UFM1: variants seen among roughly 807,000 people sequenced by gnomAD.
UFM1 encodes ubiquitin-fold modifier 1.
A neutral mutation model predicts 15.4 loss-of-function variants in UFM1; 9 were observed. The observed-to-expected ratio is 0.59, with a 90% CI of 0.35 to 1.02. The LOEUF is 1.02. Among genes scored for constraint, UFM1 ranks in the 50% least tolerant of loss-of-function variants. UFM1 has a pLI of 0.02. For synonymous variants in UFM1, 27 were observed against 36.3 expected, an observed-to-expected ratio of 0.74 and a Z score of 0.92; for missense variants, 98 against 104.7, an observed-to-expected ratio of 0.94 and a Z score of 0.28.
At chr13:38,355,037 T>C (rs113469103) in intron 3 of UFM1, among the ~76,000 whole-genome samples, 1,705 of 152,144 alleles carry the variant, frequency 0.011, 36 homozygotes, top group African/African-American at 0.039. Flanking sequence ...CATTATTTCC[T>C]GAAATTTTCT....
chr13:38,358,162 C>T (rs757130459), intron 4 of UFM1, 30 bp downstream of exon 4: 2 of 1,349,446 alleles, frequency 1.5e-6, no homozygotes. Context: ...TTATGTATTA[C>T]CTCAAATTTA....
chr13:38,351,552 A>G (rs7330234), intron 2 of UFM1, among the ~76,000 whole-genome samples: 4,349 of 152,296 alleles, frequency 0.029, 235 homozygotes, highest in African/African-American at 0.1. Context: ...CTTCACTCCT[A>G]TGAAAAACCA....
chr13:38,360,782 C>T lies in UFM1; in HGVS notation c.*4C>T. ...AGATCGTGTTGGAAGTTGTTAATAT[C>T]TGCTACTTGGAACATACGATTGCCT... On this transcript the variant is annotated 3_prime_UTR_variant, in exon 6 of 6. Transcript: ENST00000239878. 6.2e-7 allele frequency: 1 copy of T among 1,603,786 alleles called. No homozygotes were observed. The highest frequency in any genetic ancestry group is 8.5e-7 in the Non-Finnish European group (1 of 1,174,088).
At chr13:38,357,513 G>GTTTTT (rs34489703) in intron 3 of UFM1, among the ~76,000 whole-genome samples, 1 of 149,156 alleles carries the variant, frequency 6.7e-6, no homozygotes. Context: ...ATAATACAGG[G>GTTTTT]TTTTTTTTTT....
In UFM1 at chr13:38,363,264, AGTT is replaced by A. The variant is rs1337965651; in HGVS notation, c.*2490_*2492del. 6.6e-6 allele frequency: 1 copy of A among 152,172 alleles called. No homozygotes were observed. The highest frequency in any genetic ancestry group is 1.5e-5 in the Non-Finnish European group (1 of 68,034). 9.4% of individuals were successfully genotyped at this position (152,172 alleles called of 1,614,324 possible). A position where few individuals can be genotyped will look rare whatever the true frequency, so the allele number is the denominator to read the frequency against. ...ACACAAGTACTTACCATCATTTTAC[AGTT>A]GTTTACAGTATTAGGTACAGTAACA... On this transcript the variant is annotated 3_prime_UTR_variant, in exon 6 of 6. Transcript: ENST00000239878.
chr13:38,350,393 C>G (rs955993278), intron 2 of UFM1, among the ~76,000 whole-genome samples: 2 of 152,150 alleles, frequency 1.3e-5, no homozygotes, highest in Non-Finnish European at 2.9e-5. Context: ...TTAAACAGTC[C>G]CCATCTGCTG....
chr13:38,358,165 C>A (rs1879203727), intron 4 of UFM1, 33 bp downstream of exon 4: 2 of 1,332,750 alleles, frequency 1.5e-6, no homozygotes, highest in African/African-American at 1.5e-5. Flanking sequence ...TGTATTACCT[C>A]AAATTTATAG....
At chr13:38,356,849 C>T (rs1467027677) in intron 3 of UFM1, among the ~76,000 whole-genome samples, 1 of 151,800 alleles carries the variant, frequency 6.6e-6, no homozygotes, top group Non-Finnish European at 1.5e-5. Context: ...CAAAACTCAA[C>T]TATAATATCT....
chr13:38,359,468 C>A, intron 5 of UFM1, 135 bp downstream of exon 5: 1 of 864,256 alleles, frequency 1.2e-6, no homozygotes, highest in Non-Finnish European at 1.8e-6. Context: ...ATATACCAGT[C>A]TTTACCTGTG....
At chr13:38,350,231 C>G (rs1219288784) in intron 2 of UFM1, 176 bp downstream of exon 2, 2 of 1,604,448 alleles carry the variant, frequency 1.2e-6, no homozygotes, top group East Asian at 2.3e-5. Flanking sequence ...AGGAGAGGTC[C>G]GTACTTGCTC....
At chr13:38,351,302 T>C (rs947638111) in intron 2 of UFM1, among the ~76,000 whole-genome samples, 7 of 152,090 alleles carry the variant, frequency 4.6e-5, no homozygotes, top group Admixed American at 2.6e-4. Context: ...GACTGGAGGG[T>C]TTACATTAAA....
chr13:38,356,701 C>CA (rs35105286), intron 3 of UFM1, among the ~76,000 whole-genome samples: 90,909 of 107,836 alleles, frequency 0.84, 39,974 homozygotes, highest in East Asian at 0.98. Flanking sequence ...TTAGTACCAC[C>CA]AAAAAAAAAA....
At chr13:38,356,860 A>G in intron 3 of UFM1, among the ~76,000 whole-genome samples, 1 of 151,932 alleles carries the variant, frequency 6.6e-6, no homozygotes, top group East Asian at 1.9e-4. Context: ...TATAATATCT[A>G]TAAAGTTAGT....
At position 38,361,244 on chromosome 13, in the gene UFM1, AAG is replaced by A. The variant is rs1879371144; in HGVS notation, c.*467_*468del. 1 of 152,396 alleles carries A rather than the reference AAG, an allele frequency of 6.6e-6. No homozygotes were observed. 9.4% of individuals were successfully genotyped at this position (152,396 alleles called of 1,614,324 possible). On this transcript the variant is annotated 3_prime_UTR_variant, in exon 6 of 6. Coordinates refer to ENST00000239878, the MANE Select transcript of UFM1 (RefSeq NM_016617.4). ...TTAATTAAATATATAGGTTGTGATG[AAG>A]TGAATAGACATATCAGTGAACAGTT... is the stretch of plus-strand genomic sequence containing the variant.
intron 3 of UFM1, among the ~76,000 whole-genome samples, chr13:38,356,962 T>A (rs1401524361): frequency 6.6e-6 from 1 of 151,914 alleles, no homozygotes; most frequent in East Asian, 1.9e-4. Flanking sequence ...CTTTAAGAGA[T>A]GGAATCTACC....
intron 2 of UFM1, 192 bp downstream of exon 2, chr13:38,350,247 G>GTGTCAGCT: frequency 6.3e-7 from 1 of 1,594,658 alleles, no homozygotes; most frequent in South Asian, 1.1e-5. Context: ...TGCTCGCTAA[G>GTGTCAGCT]TGTCAGCTTG....
At chr13:38,359,921 ATAATCTAAAG>A in intron 5 of UFM1, 1 of 214,454 alleles carries the variant, frequency 4.7e-6, no homozygotes, top group Non-Finnish European at 9.5e-6. Flanking sequence ...TCTTAGGCTT[ATAATCTAAAG>A]TTTTAAAATT....
intron 2 of UFM1, among the ~76,000 whole-genome samples, chr13:38,350,406 T>A (rs1358271089): frequency 6.6e-6 from 1 of 152,204 alleles, no homozygotes; most frequent in African/African-American, 2.4e-5. Flanking sequence ...ATCTGCTGGA[T>A]ATTAGAAAAG....
At position 38,349,919 on chromosome 13, in the gene UFM1, C is replaced by A. The variant is rs374137066; in HGVS notation, c.-1C>A. The A allele has an allele frequency of 1.7e-5, 28 of 1,614,028 alleles. No homozygotes were observed. The African/African-American group carries it at 3.3e-4, about 19-fold the overall frequency. ...TGTTCTGGATTCATTCCGGCACCACCATGTAAGTGTTTGCTTACCGACTGC... is the reference window on the plus strand; with the variant it reads ...TGTTCTGGATTCATTCCGGCACCACAATGTAAGTGTTTGCTTACCGACTGC... On this transcript the variant is annotated splice_region_variant and 5_prime_UTR_variant, in exon 1 of 6. Transcript: ENST00000239878.
Sources: gnomAD v4.1 joint callset for allele counts (sites outside exome capture counted in the v4.1 genomes callset) on GRCh38, gnomAD v4.1.1 for gene constraint, MANE v1.5 for transcripts, NCBI Gene and HGNC (gene_info 2026-07-23, HGNC 2026-07-21) for gene names.